Variants in TAFA1 observed in about 807,000 individuals in gnomAD.
TAFA1 encodes TAFA chemokine like family member 1, also known as chemokine-like protein TAFA-1.
A neutral mutation model predicts 18.5 loss-of-function variants in TAFA1; 4 were observed. The observed-to-expected ratio is 0.22, with a 90% CI of 0.11 to 0.49. TAFA1 has a LOEUF of 0.49. TAFA1 is among the 20% of genes least tolerant of loss of function. The pLI, the probability that TAFA1 is intolerant of heterozygous loss-of-function variation, is 0.98. For missense variants in TAFA1, 147 were observed against 169.0 expected, an observed-to-expected ratio of 0.87 and a Z score of 0.72; for synonymous variants, 56 against 55.2, an observed-to-expected ratio of 1.01 and a Z score of -0.06.
intron 2 of TAFA1, 134 bp downstream of exon 2, chr3:68,006,878 C>A: frequency 1.5e-6 from 1 of 660,830 alleles, no homozygotes; most frequent in Non-Finnish European, 2.7e-6. Context: ...ATATTGTTGG[C>A]TGGATGCTTT....
intron 2 of TAFA1, among the ~76,000 whole-genome samples, chr3:68,278,018 G>T (rs62248313): frequency 0.26 from 39,578 of 151,968 alleles, 5,351 homozygotes; most frequent in East Asian, 0.3. Flanking sequence ...TCTTTATACG[G>T]TATCCTTACA....
intron 2 of TAFA1, among the ~76,000 whole-genome samples, chr3:68,053,582 A>G (rs1427039787): frequency 6.6e-6 from 1 of 152,086 alleles, no homozygotes; most frequent in Admixed American, 6.6e-5. Context: ...CTTCATTTTG[A>G]TAACATTGCA....
At chr3:68,386,851 T>C (rs1324074068) in intron 2 of TAFA1, among the ~76,000 whole-genome samples, 6 of 152,156 alleles carry the variant, frequency 3.9e-5, no homozygotes, top group African/African-American at 1.2e-4. Context: ...TTTTGAAATA[T>C]ATTATATGCA....
chr3:68,007,088 A>C (rs1015016966), intron 2 of TAFA1, among the ~76,000 whole-genome samples: 50 of 152,346 alleles, frequency 3.3e-4, no homozygotes, highest in South Asian at 6.2e-4. Context: ...TTTACCTACT[A>C]TAATCTTGGT....
intron 2 of TAFA1, among the ~76,000 whole-genome samples, chr3:68,037,634 C>A (rs1343672284): frequency 6.6e-6 from 1 of 152,078 alleles, no homozygotes; most frequent in Admixed American, 6.5e-5. Flanking sequence ...AAAAAATCAG[C>A]CTATAAATAT....
At chr3:68,098,937 G>A (rs1037214440) in intron 2 of TAFA1, among the ~76,000 whole-genome samples, 4 of 152,026 alleles carry the variant, frequency 2.6e-5, no homozygotes, top group African/African-American at 9.7e-5. Flanking sequence ...TGGTGCTGGG[G>A]TAGCTGGCAA....
intron 2 of TAFA1, among the ~76,000 whole-genome samples, chr3:68,391,317 G>T (rs556673116): frequency 2.6e-5 from 4 of 152,210 alleles, no homozygotes; most frequent in African/African-American, 9.6e-5. Context: ...AGAGAAAAAA[G>T]AGAATGAAAA....
intron 3 of TAFA1, among the ~76,000 whole-genome samples, chr3:68,446,951 A>G (rs2071481242): frequency 6.6e-6 from 1 of 152,164 alleles, no homozygotes. Flanking sequence ...GCTTTACCTT[A>G]GGGGCACTAA....
intron 2 of TAFA1, among the ~76,000 whole-genome samples, chr3:68,141,609 C>A (rs1416617929): frequency 6.6e-6 from 1 of 152,110 alleles, no homozygotes; most frequent in African/African-American, 2.4e-5. Context: ...AATACCTATA[C>A]CAGAGTTATT....
At chr3:68,431,684 C>T (rs1050085091) in intron 3 of TAFA1, among the ~76,000 whole-genome samples, 1 of 151,984 alleles carries the variant, frequency 6.6e-6, no homozygotes, top group Non-Finnish European at 1.5e-5. Context: ...AACACTGTGA[C>T]TTGGAACACA....
At chr3:68,438,178 C>A (rs1312083949) in intron 3 of TAFA1, among the ~76,000 whole-genome samples, 1 of 151,976 alleles carries the variant, frequency 6.6e-6, no homozygotes, top group Non-Finnish European at 1.5e-5. Context: ...GAGCAACAGA[C>A]AAAACCCTGT....
At chr3:68,099,866 G>C (rs1323429332) in intron 2 of TAFA1, among the ~76,000 whole-genome samples, 1 of 152,060 alleles carries the variant, frequency 6.6e-6, no homozygotes, top group Non-Finnish European at 1.5e-5. Context: ...TGCAGCTGGA[G>C]GCCACTGTCC....
intron 2 of TAFA1, among the ~76,000 whole-genome samples, chr3:68,391,032 C>T (rs2070229567): frequency 1.3e-5 from 2 of 152,094 alleles, no homozygotes; most frequent in Admixed American, 1.3e-4. Context: ...CGGAAGTAGG[C>T]TTCAGAAGGT....
chr3:68,382,876 T>C (rs1345842505), intron 2 of TAFA1, among the ~76,000 whole-genome samples: 3 of 152,140 alleles, frequency 2.0e-5, no homozygotes, highest in African/African-American at 7.2e-5. Context: ...TCATCTCTGA[T>C]GTTGTTGAGT....
chr3:68,455,883 T>C (rs1204560252), intron 3 of TAFA1, among the ~76,000 whole-genome samples: 3 of 152,190 alleles, frequency 2.0e-5, no homozygotes, highest in African/African-American at 7.2e-5. Context: ...TTCTCCTACA[T>C]AGCACTGACA....
At chr3:68,237,626 T>A (rs2066944343) in intron 2 of TAFA1, among the ~76,000 whole-genome samples, 1 of 152,150 alleles carries the variant, frequency 6.6e-6, no homozygotes, top group Non-Finnish European at 1.5e-5. Flanking sequence ...AAGTAACCAA[T>A]GTATAATAGG....
intron 2 of TAFA1, among the ~76,000 whole-genome samples, chr3:68,032,781 G>C (rs1704965279): frequency 6.6e-6 from 1 of 152,016 alleles, no homozygotes; most frequent in African/African-American, 2.4e-5. Flanking sequence ...ATATCATCCT[G>C]TCCAGGAAAA....
intron 3 of TAFA1, among the ~76,000 whole-genome samples, chr3:68,525,556 A>T (rs1337971604): frequency 1.3e-5 from 2 of 152,202 alleles, no homozygotes; most frequent in Non-Finnish European, 2.9e-5. Context: ...AAAGCTGTTG[A>T]TTGTTGTTTT....
At chr3:68,500,179 A>T (rs1217141586) in intron 3 of TAFA1, among the ~76,000 whole-genome samples, 1 of 151,974 alleles carries the variant, frequency 6.6e-6, no homozygotes, top group African/African-American at 2.4e-5. Flanking sequence ...GAGTCATGGG[A>T]TCAGCTTGGT....
Sources: allele counts gnomAD v4.1 joint callset (sites outside exome capture counted in the v4.1 genomes callset), GRCh38; gene constraint gnomAD v4.1.1; transcripts MANE v1.5; gene names NCBI Gene and HGNC (gene_info 2026-07-23, HGNC 2026-07-21).